Variants in HECW1 observed in about 807,000 individuals in gnomAD.
HECW1 encodes the protein HECT, C2 and WW domain containing E3 ubiquitin protein ligase 1.
In HECW1, 61 loss-of-function variants were observed where a neutral mutation model predicts 182.3. That is an observed-to-expected ratio of 0.33 (90% confidence interval 0.27 to 0.41). HECW1 has a LOEUF of 0.41. Ranked by LOEUF, HECW1 falls within the 10% of genes least tolerant of loss-of-function variation. HECW1 has a pLI of 1.00. For missense variants in HECW1, 1,739 were observed against 2,108.9 expected (o/e 0.82, Z 3.44); for synonymous variants, 859 against 832.6 (o/e 1.03, Z -0.55).
At chr7:43,355,565 C>T (rs1815019021) in intron 5 of HECW1, among the ~76,000 whole-genome samples, 1 of 151,300 alleles carries the variant, frequency 6.6e-6, no homozygotes, top group Admixed American at 6.6e-5. Flanking sequence ...TTTTTGTAAG[C>T]CTCATGGCAA....
chr7:43,530,809 G>T (rs994325729), intron 24 of HECW1, among the ~76,000 whole-genome samples: 3 of 152,068 alleles, frequency 2.0e-5, no homozygotes, highest in African/African-American at 4.8e-5. Context: ...CCTCCAAATT[G>T]TTCGGCATGA....
At chr7:43,350,246 A>C (rs1814251736) in intron 5 of HECW1, among the ~76,000 whole-genome samples, 1 of 152,212 alleles carries the variant, frequency 6.6e-6, no homozygotes, top group South Asian at 2.1e-4. Context: ...TCAATCTGAT[A>C]CGTTTTCCTT....
At chr7:43,286,431 G>C (rs1287157781) in intron 3 of HECW1, among the ~76,000 whole-genome samples, 1 of 152,078 alleles carries the variant, frequency 6.6e-6, no homozygotes, top group Non-Finnish European at 1.5e-5. Context: ...GCTGACTTCT[G>C]CATTTTCCTT....
intron 6 of HECW1, chr7:43,396,543 A>G: frequency 3.0e-6 from 1 of 334,854 alleles, no homozygotes; most frequent in Non-Finnish European, 5.6e-6. Flanking sequence ...TTGCATAAGT[A>G]GTTACAAAGG....
intron 5 of HECW1, among the ~76,000 whole-genome samples, chr7:43,346,967 C>T (rs989781285): frequency 6.6e-6 from 1 of 152,136 alleles, no homozygotes; most frequent in Non-Finnish European, 1.5e-5. Context: ...CTTGCATTGG[C>T]TATGTGGGCT....
intron 24 of HECW1, among the ~76,000 whole-genome samples, chr7:43,538,678 C>A (rs1231771218): frequency 2.0e-5 from 3 of 152,158 alleles, no homozygotes; most frequent in Non-Finnish European, 4.4e-5. Flanking sequence ...TATTGACCCT[C>A]GGTTTCTTAA....
intron 3 of HECW1, among the ~76,000 whole-genome samples, chr7:43,281,526 G>T (rs1276327146): frequency 6.6e-6 from 1 of 152,114 alleles, no homozygotes. Context: ...TTTAAACCCA[G>T]ACCTGACTTC....
intron 23 of HECW1, 160 bp from the exon 24 acceptor site, chr7:43,508,809 C>A: frequency 1.5e-6 from 1 of 684,806 alleles, no homozygotes; most frequent in Non-Finnish European, 2.5e-6. Context: ...TTTTCTACAG[C>A]AAATTGATGC....
chr7:43,405,242 T>C (rs958324446), intron 7 of HECW1, among the ~76,000 whole-genome samples: 20 of 149,896 alleles, frequency 1.3e-4, no homozygotes, highest in African/African-American at 4.6e-4. Flanking sequence ...CACTATTTTA[T>C]GATGAATGTT....
At chr7:43,459,606 C>T (rs1445206999) in intron 13 of HECW1, among the ~76,000 whole-genome samples, 1 of 151,772 alleles carries the variant, frequency 6.6e-6, no homozygotes, top group African/African-American at 2.4e-5. Context: ...GGCATTATCT[C>T]AGCTCACTGC....
At chr7:43,504,151 G>C (rs556989567) in intron 21 of HECW1, among the ~76,000 whole-genome samples, 1 of 152,240 alleles carries the variant, frequency 6.6e-6, no homozygotes, top group African/African-American at 2.4e-5. Flanking sequence ...TTCCCAAGCA[G>C]GTCCTTCCGT....
At chr7:43,330,814 C>T (rs993453024) in intron 5 of HECW1, among the ~76,000 whole-genome samples, 3 of 152,010 alleles carry the variant, frequency 2.0e-5, no homozygotes, top group South Asian at 2.1e-4. Context: ...AAAGCTCAGG[C>T]GTGAACATGC....
chr7:43,343,222 G>C (rs1318261429), intron 5 of HECW1, among the ~76,000 whole-genome samples: 1 of 150,870 alleles, frequency 6.6e-6, no homozygotes, highest in Non-Finnish European at 1.5e-5. Flanking sequence ...ATGATGTTCA[G>C]ATATTCACGG....
intron 29 of HECW1, among the ~76,000 whole-genome samples, chr7:43,559,504 G>A (rs573350527): frequency 6.6e-6 from 1 of 152,290 alleles, no homozygotes; most frequent in Admixed American, 6.5e-5. Flanking sequence ...ACGCATTTAT[G>A]TGTGTTCTGG....
intron 2 of HECW1, among the ~76,000 whole-genome samples, chr7:43,210,707 G>A (rs1253420437): frequency 5.3e-5 from 8 of 152,054 alleles, no homozygotes; most frequent in Non-Finnish European, 8.8e-5. Flanking sequence ...GGACAAACCC[G>A]GGCACTTAGC....
chr7:43,438,722 A>C (rs1384539060), intron 9 of HECW1: 2 of 152,254 alleles, frequency 1.3e-5, no homozygotes, highest in African/African-American at 4.8e-5. Context: ...TTTTACATTC[A>C]TGTCCACTCA....
In HECW1 at chr7:43,243,754, G is replaced by A. The variant is rs958129835; in HGVS notation, c.-31-121G>A. ...TGTGTGATTTTTCCTTTTGCACGTC[G>A]GTTGCCCAGGCCAGGTATCTTGGCG... On this transcript the variant is annotated intron_variant, in intron 2 of 29. Coordinates refer to ENST00000395891, the MANE Select transcript of HECW1 (RefSeq NM_015052.5). This position sits in a 1 kb window ranked among gnomAD's most constrained non-coding sequence, Gnocchi z 4.0. 5.8e-5 allele frequency: 44 copies of A among 762,254 alleles called. 1 individual carries two copies. The highest frequency in any genetic ancestry group is 4.6e-4 in the South Asian group (32 of 69,916). 47.2% of individuals were successfully genotyped at this position (762,254 alleles called of 1,614,324 possible).
intron 16 of HECW1, among the ~76,000 whole-genome samples, chr7:43,477,943 C>T (rs537192983): frequency 4.0e-5 from 6 of 151,860 alleles, no homozygotes; most frequent in Non-Finnish European, 8.8e-5. Flanking sequence ...TATGACTTCA[C>T]CAAATGTTAC....
At position 43,480,449 on chromosome 7, in the gene HECW1, T is replaced by C. The variant is rs79081406; in HGVS notation, c.3234+705T>C. On this transcript the variant is annotated intron_variant, in intron 17 of 29. Transcript: ENST00000395891. ...TGTCCTAATTGACATTTCCCAAGTA[T>C]CTGTGCCTTCTTTTTGTGGAAACCA... Among the ~76,000 whole-genome samples, 105 of 152,294 alleles carry C rather than the reference T, an allele frequency of 6.9e-4. 1 individual carries two copies. The highest frequency in any genetic ancestry group is 1.4e-3 in the Admixed American group (22 of 15,304).
Sources: gnomAD v4.1 joint callset for allele counts (sites outside exome capture counted in the v4.1 genomes callset) on GRCh38, gnomAD v4.1.1 for gene constraint, Gnocchi (gnomAD v3.1) non-coding constraint, MANE v1.5 for transcripts, NCBI Gene and HGNC (gene_info 2026-07-23, HGNC 2026-07-21) for gene names.